Variants in GPC5 observed in about 807,000 individuals in gnomAD.
GPC5 encodes glypican 5.
Under a neutral mutation model 53.9 loss-of-function variants are expected in GPC5, and 47 were observed. The observed-to-expected ratio is 0.87, with a 90% confidence interval of 0.69 to 1.11. The LOEUF is 1.11. Ranked by LOEUF, GPC5 falls within the 50% of genes most tolerant of loss-of-function variation. The pLI is 0.00. For missense variants in GPC5, 748 were observed against 713.1 expected, an observed-to-expected ratio of 1.05 and a Z score of -0.56; for synonymous variants, 286 against 263.3, an observed-to-expected ratio of 1.09 and a Z score of -0.84.
intron 7 of GPC5, among the ~76,000 whole-genome samples, chr13:92,700,895 T>C (rs969641474): frequency 6.6e-6 from 1 of 152,114 alleles, no homozygotes; most frequent in African/African-American, 2.4e-5. Flanking sequence ...GTCTTTGGCA[T>C]CTAGTCTACA....
chr13:92,372,530 C>T (rs76535345), intron 7 of GPC5, among the ~76,000 whole-genome samples: 1,524 of 152,106 alleles, frequency 0.01, 24 homozygotes, highest in African/African-American at 0.034. Context: ...CTTGTTGTGA[C>T]GTTTGAAAAT....
intron 7 of GPC5, among the ~76,000 whole-genome samples, chr13:92,837,833 C>T (rs1216619458): frequency 6.6e-6 from 1 of 152,152 alleles, no homozygotes; most frequent in African/African-American, 2.4e-5. Context: ...TGGCTCATGC[C>T]TGTAATCCCA....
intron 7 of GPC5, among the ~76,000 whole-genome samples, chr13:92,826,456 T>A (rs1877850472): frequency 6.6e-6 from 1 of 152,086 alleles, no homozygotes; most frequent in African/African-American, 2.4e-5. Flanking sequence ...ATTGCTGCCT[T>A]GTGAGAAACT....
At chr13:92,840,575 C>T (rs756876115) in intron 7 of GPC5, among the ~76,000 whole-genome samples, 30 of 151,978 alleles carry the variant, frequency 2.0e-4, no homozygotes, top group Non-Finnish European at 4.1e-4. Context: ...ACTGTTTTGG[C>T]TACTTTGGAG....
chr13:91,490,441 T>G (rs1883880382), intron 2 of GPC5, among the ~76,000 whole-genome samples: 1 of 152,234 alleles, frequency 6.6e-6, no homozygotes, highest in Non-Finnish European at 1.5e-5. Context: ...GATATTTAAG[T>G]AGCATTCTCT....
At chr13:91,443,386 G>C (rs929301102) in intron 1 of GPC5, among the ~76,000 whole-genome samples, 1 of 152,124 alleles carries the variant, frequency 6.6e-6, no homozygotes, top group East Asian at 1.9e-4. Flanking sequence ...GCAAGCCAAC[G>C]AGAGACCAAC....
intron 5 of GPC5, among the ~76,000 whole-genome samples, chr13:91,833,273 C>A (rs2038684563): frequency 6.6e-6 from 1 of 151,648 alleles, no homozygotes; most frequent in Admixed American, 6.6e-5. Context: ...ACCAAAAAAA[C>A]CTCAAGACTG....
chr13:91,994,409 T>C (rs1339825251), intron 6 of GPC5: 1 of 152,232 alleles, frequency 6.6e-6, no homozygotes, highest in East Asian at 1.9e-4. Flanking sequence ...ATTTTCCTTA[T>C]ATTCATTCAA....
At chr13:91,828,628 A>G (rs2038611179) in intron 5 of GPC5, among the ~76,000 whole-genome samples, 1 of 152,036 alleles carries the variant, frequency 6.6e-6, no homozygotes, top group Non-Finnish European at 1.5e-5. Context: ...CAGAAAGTAA[A>G]TGCTTTCTCA....
intron 7 of GPC5, among the ~76,000 whole-genome samples, chr13:92,632,489 C>CACAT (rs1566331998): frequency 1.1e-5 from 1 of 87,334 alleles, no homozygotes; most frequent in East Asian, 2.3e-4. Flanking sequence ...TATATATACA[C>CACAT]ATATATATAT....
intron 6 of GPC5, among the ~76,000 whole-genome samples, chr13:92,083,076 C>T (rs2041309166): frequency 6.6e-6 from 1 of 152,122 alleles, no homozygotes. Context: ...AATACTTAAG[C>T]TAGAGTTATA....
intron 7 of GPC5, among the ~76,000 whole-genome samples, chr13:92,221,920 T>C (rs2042452142): frequency 6.6e-6 from 1 of 152,192 alleles, no homozygotes; most frequent in South Asian, 2.1e-4. Context: ...TAATAGACTT[T>C]CTACTGTTAG....
intron 5 of GPC5, among the ~76,000 whole-genome samples, chr13:91,815,663 C>T (rs2038388336): frequency 6.6e-6 from 1 of 152,152 alleles, no homozygotes; most frequent in South Asian, 2.1e-4. Context: ...TCAGCTCTGC[C>T]TCCCGCTGTG....
rs542054228 is a variant in GPC5 at position 92,866,398 on chromosome 13, A to G, written c.1678A>G (p.Thr560Ala). 1.4e-5 allele frequency: 22 copies of G among 1,611,070 alleles called. No homozygotes were observed. In the South Asian group the frequency reaches 2.2e-4, roughly 16 times the overall value. The change falls in exon 8 of 8, where the codon ACT becomes GCT. Residue 560 changes from threonine (T) to alanine (A), a missense_variant. Transcript: ENST00000377067. ...CAVATESMTF[T>A]LISVVMLLPG... ...AGTGGCGACTGAATCTATGACATTC[A>G]CTCTGATAAGTGTGGTGATGTTACT...
chr13:92,749,157 T>A (rs539103521), intron 7 of GPC5, among the ~76,000 whole-genome samples: 64 of 152,280 alleles, frequency 4.2e-4, no homozygotes, highest in African/African-American at 1.5e-3. Flanking sequence ...TTTTTAAGTG[T>A]CACCAGGAAA....
At chr13:92,017,144 A>G (rs1229792616) in intron 6 of GPC5, among the ~76,000 whole-genome samples, 17 of 152,084 alleles carry the variant, frequency 1.1e-4, no homozygotes, top group Admixed American at 1.1e-3. Context: ...CTCTAGCAGG[A>G]ATAAAGGTTG....
intron 6 of GPC5, among the ~76,000 whole-genome samples, chr13:91,983,999 G>A (rs7983944): frequency 0.031 from 4,741 of 152,212 alleles, 180 homozygotes; most frequent in African/African-American, 0.097. Flanking sequence ...TTGGATGAGC[G>A]TGGTCAAATA....
At chr13:92,055,264 G>C (rs1293126113) in intron 6 of GPC5, among the ~76,000 whole-genome samples, 1 of 152,202 alleles carries the variant, frequency 6.6e-6, no homozygotes, top group Admixed American at 6.5e-5. Flanking sequence ...CTGAGGCACA[G>C]ATGGAGTTCT....
chr13:92,844,375 T>C lies in GPC5; in HGVS notation c.1562-21907T>C, dbSNP rs533954801. On this transcript the variant is annotated intron_variant, in intron 7 of 7. Coordinates refer to ENST00000377067, the MANE Select transcript of GPC5 (RefSeq NM_004466.6). ...TTTCACTCACCTCATAAAACAAGCATGGGAATAAACCAGGGTCTGCAAGTA... is the reference window on the plus strand; with the variant it reads ...TTTCACTCACCTCATAAAACAAGCACGGGAATAAACCAGGGTCTGCAAGTA... Among the ~76,000 whole-genome samples, 5 of 152,210 alleles carry C rather than the reference T, an allele frequency of 3.3e-5. No individual in the cohort carries two copies. In the South Asian group the frequency reaches 1.0e-3, roughly 32 times the overall value.
Sources: gnomAD v4.1 joint callset for allele counts (sites outside exome capture counted in the v4.1 genomes callset) on GRCh38, gnomAD v4.1.1 for gene constraint, MANE v1.5 for transcripts, NCBI Gene and HGNC (gene_info 2026-07-23, HGNC 2026-07-21) for gene names.